Variants in TEAD1 observed in about 807,000 individuals in gnomAD.
The protein encoded by TEAD1 is transcriptional enhancer factor TEF-1.
A neutral mutation model predicts 54.9 loss-of-function variants in TEAD1; 9 were observed. That is an observed-to-expected ratio of 0.16 (90% CI 0.10 to 0.29). The LOEUF (loss-of-function observed/expected upper bound fraction) is 0.29, where lower values mean the gene tolerates loss of function less well. TEAD1 is among the 10% of genes least tolerant of loss of function. The probability of loss-of-function intolerance (pLI) is 1.00; values close to 1 mark genes in which losing one functional copy is unlikely to be tolerated. For synonymous variants in TEAD1, 200 were observed against 187.8 expected (o/e 1.07, Z -0.53); for missense variants, 387 against 535.9 (o/e 0.72, Z 2.74).
intron 7 of TEAD1, 86 bp from the exon 8 acceptor site, chr11:12,881,810 C>T: frequency 7.1e-7 from 1 of 1,403,876 alleles, no homozygotes; most frequent in Non-Finnish European, 1.0e-6. Flanking sequence ...AAGGACCTCC[C>T]ACTGGGAGGT....
At chr11:12,811,882 A>G (rs1946308627) in intron 3 of TEAD1, among the ~76,000 whole-genome samples, 1 of 151,794 alleles carries the variant, frequency 6.6e-6, no homozygotes, top group Middle Eastern at 3.4e-3. Flanking sequence ...TGGTGTGTCT[A>G]AGTTCTTTCA....
chr11:12,862,251 T>C lies in TEAD1; in HGVS notation c.204T>C (p.Gly68=), dbSNP rs1391136512. The change falls in exon 4 of 13, where the codon GGT becomes GGC. Residue 68 remains glycine, a splice_region_variant and synonymous_variant. Coordinates refer to ENST00000527636, the MANE Select transcript of TEAD1 (RefSeq NM_021961.6). ...ATGGTAAATTCTTCTTTCTTTCAGG[T>C]AGGAATGAATTGATAGCCAGATACA... 1 of 1,613,608 alleles carries C rather than the reference T, an allele frequency of 6.2e-7. No homozygotes were observed. Among genetic ancestry groups the C allele is most frequent in the Non-Finnish European group, 8.5e-7 (1 of 1,179,764 alleles).
chr11:12,851,146 A>AT, intron 3 of TEAD1: 1 of 934,234 alleles, frequency 1.1e-6, no homozygotes, highest in Non-Finnish European at 1.3e-6. Context: ...GAAAAAAACT[A>AT]TTTCATGATC....
intron 9 of TEAD1, 79 bp from the exon 10 acceptor site, chr11:12,901,861 C>G (rs1948431134): frequency 6.9e-6 from 11 of 1,584,776 alleles, no homozygotes; most frequent in Non-Finnish European, 9.5e-6. Flanking sequence ...TACTACTGCT[C>G]TTTATCCAGT....
intron 3 of TEAD1, among the ~76,000 whole-genome samples, chr11:12,844,260 G>A (rs886558304): frequency 7.2e-5 from 11 of 152,026 alleles, no homozygotes; most frequent in African/African-American, 2.4e-4. Context: ...TTAATCCAAG[G>A]TTAAAAACTT....
intron 10 of TEAD1, among the ~76,000 whole-genome samples, chr11:12,914,703 T>C (rs1211431022): frequency 4.6e-5 from 7 of 151,632 alleles, no homozygotes; most frequent in Non-Finnish European, 8.9e-5. Flanking sequence ...CCCTTCTCTC[T>C]GCCCATGGCA....
chr11:12,944,714 TAAAG>T lies in TEAD1; in HGVS notation c.*7496_*7499del, dbSNP rs745674565. On this transcript the variant is annotated 3_prime_UTR_variant, in exon 13 of 13. Coordinates refer to ENST00000527636, the MANE Select transcript of TEAD1 (RefSeq NM_021961.6). Reference sequence around the variant, plus strand: ...GTATTCATACGGTATCAATGAAAAATAAAGAAAATGAAAGTGTGGGTCACCTTTT... The same window carrying T: ...GTATTCATACGGTATCAATGAAAAATAAAATGAAAGTGTGGGTCACCTTTT... Among the ~76,000 whole-genome samples the T allele has an allele frequency of 1.8e-4, 27 of 152,176 alleles. No individual in the cohort carries two copies. The highest frequency in any genetic ancestry group is 3.9e-4 in the East Asian group (2 of 5,182).
rs35934347 is a variant in TEAD1 at position 12,928,283 on chromosome 11, C to CTT, written c.1015-1877_1015-1876dup. ...TATTCGTCTATACTTTTTTCTTTTC[C>CTT]TTTTTTTTTTTTTTTGAGATGGGGT... On this transcript the variant is annotated intron_variant, in intron 11 of 12. Coordinates refer to ENST00000527636, the MANE Select transcript of TEAD1 (RefSeq NM_021961.6). Among the ~76,000 whole-genome samples the CTT allele has an allele frequency of 9.7e-3, 1,307 of 135,430 alleles. 14 individuals carry two copies. The highest frequency in any genetic ancestry group is 0.023 in the Middle Eastern group (6 of 258). 88.8% of individuals were successfully genotyped at this position (135,430 alleles called of 152,430 possible). A position where few individuals can be genotyped will look rare whatever the true frequency, so the allele number is the denominator to read the frequency against.
intron 3 of TEAD1, among the ~76,000 whole-genome samples, chr11:12,778,023 A>G (rs1247025073): frequency 2.6e-5 from 4 of 152,206 alleles, no homozygotes; most frequent in Admixed American, 6.5e-5. Context: ...GCAATAATGA[A>G]TATTTATGCT....
chr11:12,880,854 GC>G (rs1947951461), intron 6 of TEAD1, 150 bp from the exon 7 acceptor site: 2 of 867,804 alleles, frequency 2.3e-6, no homozygotes, highest in African/African-American at 3.3e-5. Context: ...GTGGTCTCGT[GC>G]AAGTGGTGAC....
At chr11:12,878,621 A>G (rs1947904274) in intron 5 of TEAD1, among the ~76,000 whole-genome samples, 1 of 119,798 alleles carries the variant, frequency 8.3e-6, no homozygotes, top group African/African-American at 2.9e-5. Flanking sequence ...AGTGCAAAGG[A>G]GTTGAGGGGT....
chr11:12,792,594 A>G (rs1298247256), intron 3 of TEAD1, among the ~76,000 whole-genome samples: 1 of 152,226 alleles, frequency 6.6e-6, no homozygotes, highest in Non-Finnish European at 1.5e-5. Flanking sequence ...AGGTCTGGAT[A>G]TGTACAGCCT....
At chr11:12,854,617 G>T (rs1303593759) in intron 3 of TEAD1, among the ~76,000 whole-genome samples, 1 of 151,860 alleles carries the variant, frequency 6.6e-6, no homozygotes, top group Admixed American at 6.6e-5. Flanking sequence ...TTTTAGACAG[G>T]GTCTCACTCT....
intron 2 of TEAD1, among the ~76,000 whole-genome samples, chr11:12,696,820 TCCCC>T (rs1274197980): frequency 6.6e-6 from 1 of 152,042 alleles, no homozygotes; most frequent in Non-Finnish European, 1.5e-5. Flanking sequence ...GCAGGGCTGC[TCCCC>T]TCAGCAGATA....
At chr11:12,899,898 A>G (rs569824620) in intron 9 of TEAD1, among the ~76,000 whole-genome samples, 2 of 152,346 alleles carry the variant, frequency 1.3e-5, no homozygotes, top group South Asian at 4.2e-4. Context: ...CTGGCATCAG[A>G]TGGAGTGTCC....
intron 2 of TEAD1, among the ~76,000 whole-genome samples, chr11:12,676,109 G>A (rs752171414): frequency 6.6e-6 from 1 of 152,210 alleles, no homozygotes. Flanking sequence ...AGGAGCCCAG[G>A]TCTTGGGATA....
intron 3 of TEAD1, among the ~76,000 whole-genome samples, chr11:12,855,947 TAAA>T (rs34579028): frequency 2.9e-5 from 4 of 139,286 alleles, no homozygotes; most frequent in Non-Finnish European, 1.6e-5. Flanking sequence ...GACCTTGTCT[TAAA>T]AAAAAAAAAA....
chr11:12,776,727 C>A (rs1307827796), intron 3 of TEAD1, among the ~76,000 whole-genome samples: 1 of 149,878 alleles, frequency 6.7e-6, no homozygotes, highest in East Asian at 1.9e-4. Context: ...ATAATAAAAT[C>A]AAATTTGTTC....
intron 3 of TEAD1, chr11:12,823,753 C>T (rs1946598004): frequency 6.6e-6 from 1 of 151,966 alleles, no homozygotes; most frequent in Non-Finnish European, 1.5e-5. Flanking sequence ...TTTTTTTGTC[C>T]AAAATCCCAT....
Sources: gnomAD v4.1 joint callset for allele counts (sites outside exome capture counted in the v4.1 genomes callset) on GRCh38, gnomAD v4.1.1 for gene constraint, MANE v1.5 for transcripts, NCBI Gene and HGNC (gene_info 2026-07-23, HGNC 2026-07-21) for gene names.